Variants in LHX8 observed in about 807,000 individuals in gnomAD.
LHX8 encodes the protein LIM/homeobox protein Lhx8.
A neutral mutation model predicts 40.3 loss-of-function variants in LHX8; 12 were observed. The observed-to-expected ratio is 0.30, with a 90% CI of 0.19 to 0.48. The LOEUF (loss-of-function observed/expected upper bound fraction) is 0.48. Among genes scored for constraint, LHX8 ranks in the 20% least tolerant of loss-of-function variants. LHX8 has a pLI of 0.99. For missense variants in LHX8, 344 were observed against 433.7 expected (o/e 0.79, Z 1.84); for synonymous variants, 179 against 162.0 (o/e 1.10, Z -0.80).
chr1:75,169,852 A>G, the LHX8 span, among the ~76,000 whole-genome samples: 1 of 152,180 alleles, frequency 6.6e-6, no homozygotes, highest in Non-Finnish European at 1.5e-5. Context: ...TGTGGGTCCC[A>G]TTTAATAAAG....
At chr1:75,171,624 G>A in the LHX8 span, among the ~76,000 whole-genome samples, 8 of 151,340 alleles carry the variant, frequency 5.3e-5, no homozygotes, top group Non-Finnish European at 1.5e-5. Context: ...TCTGTGCCTC[G>A]AGAGAAGATT....
At chr1:75,195,620 C>T in the LHX8 span, among the ~76,000 whole-genome samples, 7 of 152,120 alleles carry the variant, frequency 4.6e-5, no homozygotes, top group Non-Finnish European at 4.4e-5. Context: ...CTGCTTCAAA[C>T]ACTTGTTATT....
At chr1:75,161,720 G>A (rs1395822385), downstream of LHX8, among the ~76,000 whole-genome samples, 2 of 150,880 alleles carry the variant, frequency 1.3e-5, no homozygotes, top group Non-Finnish European at 2.9e-5. Flanking sequence ...TTGTCTTTTA[G>A]GCCAGCTAAT....
At chr1:75,164,408 A>G (rs974533575), downstream of LHX8, among the ~76,000 whole-genome samples, 1 of 152,286 alleles carries the variant, frequency 6.6e-6, no homozygotes, top group African/African-American at 2.4e-5. Context: ...ATTTTAAATG[A>G]CACTGTGAAG....
At chr1:75,150,007 C>T (rs1456319308) in intron 7 of LHX8, among the ~76,000 whole-genome samples, 3 of 151,990 alleles carry the variant, frequency 2.0e-5, no homozygotes, top group Non-Finnish European at 4.4e-5. Context: ...TTTGGGAGGT[C>T]AAGGCAAATA....
At chr1:75,134,346 CTTTT>C (rs1005872218), upstream of LHX8, among the ~76,000 whole-genome samples, 1 of 146,540 alleles carries the variant, frequency 6.8e-6, no homozygotes, top group Non-Finnish European at 1.5e-5. Context: ...GAAAACAAAA[CTTTT>C]TTTTTTTTCT....
chr1:75,136,832 T>TGGGGG, intron 2 of LHX8, 143 bp downstream of exon 2: 1 of 369,026 alleles, frequency 2.7e-6, no homozygotes, highest in Non-Finnish European at 5.1e-6. Flanking sequence ...AGGGTCTGGG[T>TGGGGG]GGGGTGGGAA....
intron 3 of LHX8, among the ~76,000 whole-genome samples, chr1:75,139,375 C>T (rs747348207): frequency 6.6e-6 from 1 of 152,100 alleles, no homozygotes; most frequent in Non-Finnish European, 1.5e-5. Flanking sequence ...TTTGAAAAAA[C>T]GTGACAACCA....
At chr1:75,177,281 C>T in the LHX8 span, among the ~76,000 whole-genome samples, 2 of 152,076 alleles carry the variant, frequency 1.3e-5, no homozygotes, top group African/African-American at 2.4e-5. Context: ...GCCATTTTCA[C>T]GATATTGATT....
the LHX8 span, among the ~76,000 whole-genome samples, chr1:75,173,734 G>A: frequency 6.6e-6 from 1 of 152,060 alleles, no homozygotes; most frequent in Non-Finnish European, 1.5e-5. Context: ...AATCTAAGGT[G>A]TAAGCAAGAA....
At chr1:75,181,781 G>A in the LHX8 span, among the ~76,000 whole-genome samples, 4 of 152,150 alleles carry the variant, frequency 2.6e-5, no homozygotes, top group South Asian at 2.1e-4. Context: ...CTTCTGCATC[G>A]ATCATACTGA....
At chr1:75,136,717 C>A in intron 2 of LHX8, 28 bp downstream of exon 2, 1 of 1,522,812 alleles carries the variant, frequency 6.6e-7, no homozygotes. Context: ...CGCGTGCTGG[C>A]AAGACTGGCC....
At position 75,143,141 on chromosome 1, in the gene LHX8, G is replaced by T; in HGVS notation, c.383G>T (p.Arg128Leu). ...AGAAGGTATGGAACTCGCTGCTCTC[G>T]ATGTGGGAGACACATCCATTCTACT... ...YFRRYGTRCS[R>L]CGRHIHSTDW... The change falls in exon 5 of 9, where the codon CGA (arginine) becomes CTA (leucine). Residue 128 changes from arginine (R) to leucine (L), a missense_variant. By Grantham distance (102) the Arg-to-Leu change is moderately radical. Coordinates refer to ENST00000356261, the MANE Select transcript of LHX8 (RefSeq NM_001256114.2). The T allele has an allele frequency of 6.2e-7, 1 of 1,613,626 alleles. No homozygotes were observed. Among genetic ancestry groups the T allele is most frequent in the Non-Finnish European group, 8.5e-7 (1 of 1,179,676 alleles).
chr1:75,191,000 G>A, the LHX8 span, among the ~76,000 whole-genome samples: 1 of 152,052 alleles, frequency 6.6e-6, no homozygotes, highest in Admixed American at 6.6e-5. Flanking sequence ...TGATTTTATT[G>A]TATGTCAACC....
intron 7 of LHX8, among the ~76,000 whole-genome samples, chr1:75,151,792 AAAG>A (rs1490040347): frequency 1.3e-5 from 2 of 152,250 alleles, no homozygotes; most frequent in East Asian, 1.9e-4. Flanking sequence ...AGTTGGAAGC[AAAG>A]AAGAAGGAGA....
chr1:75,157,829 GT>G (rs1292786165), intron 8 of LHX8, among the ~76,000 whole-genome samples: 2 of 152,236 alleles, frequency 1.3e-5, no homozygotes, highest in South Asian at 2.1e-4. Flanking sequence ...AGATATTTGT[GT>G]TTTTTCCAGT....
chr1:75,155,384 G>C (rs181360714), intron 7 of LHX8, among the ~76,000 whole-genome samples: 2 of 151,866 alleles, frequency 1.3e-5, no homozygotes, highest in Non-Finnish European at 2.9e-5. Flanking sequence ...ACAGGCACCC[G>C]CCACCATGCC....
the LHX8 span, among the ~76,000 whole-genome samples, chr1:75,179,652 G>A: frequency 2.6e-5 from 4 of 151,996 alleles, no homozygotes; most frequent in African/African-American, 9.7e-5. Context: ...CAATTTGCCA[G>A]TCTGTATCTT....
chr1:75,177,049 C>A, the LHX8 span, among the ~76,000 whole-genome samples: 39 of 152,076 alleles, frequency 2.6e-4, no homozygotes, highest in African/African-American at 8.5e-4. Context: ...GTTTTGGTAC[C>A]AGTACCATGC....
Sources: allele counts gnomAD v4.1 joint callset (sites outside exome capture counted in the v4.1 genomes callset), GRCh38; gene constraint gnomAD v4.1.1; transcripts MANE v1.5; gene names NCBI Gene and HGNC (gene_info 2026-07-23, HGNC 2026-07-21).